Variants in PARD3 observed in about 807,000 individuals in gnomAD.
PARD3 encodes par-3 family cell polarity regulator.
In PARD3, 75 loss-of-function variants were observed where a neutral mutation model predicts 155.4. That is an observed-to-expected ratio of 0.48 (90% CI 0.40 to 0.58). PARD3 has a LOEUF of 0.58. Ranked by LOEUF, PARD3 falls within the 20% of genes least tolerant of loss-of-function variation. The pLI is 0.00. For missense variants in PARD3, 1,642 were observed against 1,721.7 expected (o/e 0.95, Z 0.82); for synonymous variants, 576 against 610.5 (o/e 0.94, Z 0.83).
chr10:34,746,473 C>T (rs1020562532), intron 1 of PARD3, among the ~76,000 whole-genome samples: 3 of 152,014 alleles, frequency 2.0e-5, no homozygotes, highest in South Asian at 2.1e-4. Flanking sequence ...TTTCTTAATA[C>T]TATTTTAAAA....
chr10:34,359,979 C>A (rs1355351068), intron 13 of PARD3, 92 bp downstream of exon 13: 8 of 928,428 alleles, frequency 8.6e-6, no homozygotes, highest in South Asian at 1.7e-5. Flanking sequence ...AATGAGAAAA[C>A]TTCTGTTAAC....
intron 2 of PARD3, among the ~76,000 whole-genome samples, chr10:34,538,160 A>G (rs771932228): frequency 6.6e-6 from 1 of 152,258 alleles, no homozygotes; most frequent in Non-Finnish European, 1.5e-5. Flanking sequence ...ATAAATAAAT[A>G]AATAAAATGT....
intron 13 of PARD3, among the ~76,000 whole-genome samples, 197 bp downstream of exon 13, chr10:34,359,874 G>GA (rs1320714961): frequency 2.0e-5 from 3 of 152,110 alleles, no homozygotes; most frequent in Non-Finnish European, 2.9e-5. Flanking sequence ...TTCTGTGAGA[G>GA]AAAAAATGAA....
intron 22 of PARD3, among the ~76,000 whole-genome samples, chr10:34,185,007 C>T: frequency 6.6e-6 from 1 of 152,128 alleles, no homozygotes; most frequent in African/African-American, 2.4e-5. Flanking sequence ...ACTTCCTGCC[C>T]TTGAATGTTT....
At chr10:34,148,005 A>G (rs1248258421) in intron 22 of PARD3, among the ~76,000 whole-genome samples, 3 of 152,204 alleles carry the variant, frequency 2.0e-5, no homozygotes, top group Non-Finnish European at 2.9e-5. Flanking sequence ...CCTGTATTTT[A>G]TACTTCCAAC....
At position 34,382,911 on chromosome 10, in the gene PARD3, A is replaced by G. The variant is rs1261680836; in HGVS notation, c.1028T>C (p.Met343Thr). ...GGGTGTACGCATGGCTTGGCGAAAC[A>G]TATGTTGTGCTCTGGGTTTGAGAAA... Reference protein sequence around the residue: ...RNRRFEQAQHMFRQAMRTPII... With the variant: ...RNRRFEQAQHTFRQAMRTPII... The change falls in exon 9 of 25, where the codon ATG becomes ACG. Residue 343 changes from methionine to threonine, a missense_variant. Met to Thr is a moderately conservative substitution (Grantham distance 81). Transcript: ENST00000374788. 5.0e-6 allele frequency: 8 copies of G among 1,613,958 alleles called. No individual in the cohort carries two copies. Among genetic ancestry groups the G allele is most frequent in the East Asian group, 4.5e-5 (2 of 44,874 alleles).
chr10:34,657,699 T>C (rs1357040009), intron 2 of PARD3, among the ~76,000 whole-genome samples: 1 of 152,038 alleles, frequency 6.6e-6, no homozygotes, highest in African/African-American at 2.4e-5. Flanking sequence ...CCACCACGCC[T>C]GGCTAATTTT....
At chr10:34,755,393 C>T (rs1836585696) in intron 1 of PARD3, among the ~76,000 whole-genome samples, 1 of 151,742 alleles carries the variant, frequency 6.6e-6, no homozygotes, top group Non-Finnish European at 1.5e-5. Flanking sequence ...GCCTGGGTGA[C>T]AGGAGAGAAA....
rs1406998926 is a variant in PARD3, at chr10:34,119,685, T to C, written c.3596A>G (p.Gln1199Arg). 1 of 1,612,776 alleles carries C rather than the reference T, an allele frequency of 6.2e-7. No individual in the cohort carries two copies. Among genetic ancestry groups the C allele is most frequent in the Non-Finnish European group, 8.5e-7 (1 of 1,179,612 alleles). Residue 1199 changes from glutamine to arginine, a missense_variant, in exon 24 of 25, where the codon CAG (glutamine) becomes CGG (arginine). By Grantham distance (43) the Gln-to-Arg change is conservative. This residue lies in a region of PARD3 where 1,529 missense variants were observed against 1,587.3 expected (regional missense o/e 0.96). Coordinates refer to ENST00000374788, the MANE Select transcript of PARD3 (RefSeq NM_001184785.2). ...CTCCTCCTGCCGCTGCCGCTGCATCTGCACCTCCACGGACACCGAGTGTCG... is the reference window on the plus strand; with the variant it reads ...CTCCTCCTGCCGCTGCCGCTGCATCCGCACCTCCACGGACACCGAGTGTCG... ...SGRHSVSVEV[Q>R]MQRQRQEERE...
chr10:34,632,564 A>G (rs140079257), intron 2 of PARD3, among the ~76,000 whole-genome samples: 1 of 152,346 alleles, frequency 6.6e-6, no homozygotes, highest in East Asian at 1.9e-4. Context: ...AAACACAGAT[A>G]ATACTGCCAA....
chr10:34,604,535 T>C (rs2090060330), intron 2 of PARD3, among the ~76,000 whole-genome samples: 1 of 150,736 alleles, frequency 6.6e-6, no homozygotes, highest in African/African-American at 2.4e-5. Flanking sequence ...GACTTTGTGA[T>C]CGTGTAAGTT....
intron 5 of PARD3, among the ~76,000 whole-genome samples, chr10:34,402,971 A>G (rs912286299): frequency 7.9e-5 from 12 of 152,202 alleles, no homozygotes; most frequent in African/African-American, 2.7e-4. Flanking sequence ...ATAACGATAA[A>G]GATACCTGAC....
chr10:34,252,679 A>G (rs780894876), intron 22 of PARD3, among the ~76,000 whole-genome samples: 1 of 152,056 alleles, frequency 6.6e-6, no homozygotes, highest in Non-Finnish European at 1.5e-5. Context: ...TATTCTGAGA[A>G]CACAACTTCT....
In PARD3 at chr10:34,814,840, G is replaced by A. The variant is rs771865028; in HGVS notation, c.120+36C>T. On this transcript the variant is annotated intron_variant, in intron 1 of 24. Transcript: ENST00000374788. ...TATTGATCCCGGCGCCGTCCCCGCC[G>A]CCGCCCCCTCCCCGCCCGCGCCCCC... The A allele has an allele frequency of 1.1e-4, 70 of 658,754 alleles. 1 individual carries two copies. The highest frequency in any genetic ancestry group is 2.0e-4 in the Admixed American group (6 of 29,842). 40.8% of individuals were successfully genotyped at this position (658,754 alleles called of 1,614,324 possible). A position where few individuals can be genotyped will look rare whatever the true frequency, so the allele number is the denominator to read the frequency against.
intron 22 of PARD3, among the ~76,000 whole-genome samples, chr10:34,240,083 T>C (rs546261912): frequency 6.6e-6 from 1 of 152,308 alleles, no homozygotes; most frequent in East Asian, 1.9e-4. Flanking sequence ...CTAATTCCTT[T>C]AGGTTGTTTA....
intron 22 of PARD3, among the ~76,000 whole-genome samples, chr10:34,265,631 A>C (rs1955263169): frequency 6.6e-6 from 1 of 152,212 alleles, no homozygotes; most frequent in African/African-American, 2.4e-5. Context: ...TACAGGAAAT[A>C]ATCTCTGCGG....
rs1403809169 is a variant in PARD3 at position 34,601,930 on chromosome 10, G to A, written c.223-84771C>T. Among the ~76,000 whole-genome samples, 3 of 152,274 alleles carry A rather than the reference G, an allele frequency of 2.0e-5. No individual in the cohort carries two copies. The East Asian group carries it at 5.8e-4, about 29-fold the overall frequency. On this transcript the variant is annotated intron_variant, in intron 2 of 24. Transcript: ENST00000374788. ...CAATTCCTGGAATTTACTGTGAAAT[G>A]AGATGTTTATGAAACTCAGGCAAAA...
Position 34,349,580 on chromosome 10 carries a change from T to TAAAAAAAAAAAAAA in PARD3, c.2068-1479_2068-1466dup. Among the ~76,000 whole-genome samples the TAAAAAAAAAAAAAA allele has an allele frequency of 8.9e-5, 4 of 44,710 alleles. 1 individual carries two copies. Among genetic ancestry groups the TAAAAAAAAAAAAAA allele is most frequent in the African/African-American group, 3.4e-4 (3 of 8,888 alleles). The allele number at this position is 44,710 out of a possible 152,430, so 29.3% of individuals were successfully genotyped here. On this transcript the variant is annotated intron_variant, in intron 14 of 24. Coordinates refer to ENST00000374788, the MANE Select transcript of PARD3 (RefSeq NM_001184785.2). ...TAAATTCCAAGAGACTCTGGGAAAG[T>TAAAAAAAAAAAAAA]AAAAAAAAAAAAAAAAAAAAAAAAA...
chr10:34,684,124 G>A (rs2093898657), intron 2 of PARD3, among the ~76,000 whole-genome samples: 1 of 152,088 alleles, frequency 6.6e-6, no homozygotes, highest in African/African-American at 2.4e-5. Flanking sequence ...TCCAAAAAAA[G>A]ATGTTTCTAT....
Sources: gnomAD v4.1 joint callset for allele counts (sites outside exome capture counted in the v4.1 genomes callset) on GRCh38, gnomAD v4.1.1 for gene constraint, gnomAD v4.1.1 regional missense constraint, MANE v1.5 for transcripts, NCBI Gene and HGNC (gene_info 2026-07-23, HGNC 2026-07-21) for gene names.